The following SFXN5 variants were observed in gnomAD, a reference collection of about 807,000 sequenced individuals.
SFXN5 encodes sideroflexin-5.
Under a neutral mutation model 50.2 loss-of-function variants are expected in SFXN5, and 43 were observed. The ratio of observed to expected loss-of-function variants is 0.86; its 90% CI spans 0.67 to 1.11. The LOEUF (loss-of-function observed/expected upper bound fraction) is 1.11. SFXN5 is among the 50% of genes least tolerant of loss of function. SFXN5 has a pLI of 0.00. For missense variants in SFXN5, 463 were observed against 454.1 expected, an observed-to-expected ratio of 1.02 and a Z score of -0.18; for synonymous variants, 203 against 185.8, an observed-to-expected ratio of 1.09 and a Z score of -0.75.
At position 72,945,228 on chromosome 2, in the gene SFXN5, AG is replaced by A; in HGVS notation, c.946-130del. 1 of 796,828 alleles carries A rather than the reference AG, an allele frequency of 1.3e-6. No individual in the cohort carries two copies. The highest frequency in any genetic ancestry group is 2.1e-6 in the Non-Finnish European group (1 of 479,728). 49.4% of individuals were successfully genotyped at this position (796,828 alleles called of 1,614,324 possible). A position where few individuals can be genotyped will look rare whatever the true frequency, so the allele number is the denominator to read the frequency against. Reference sequence around the variant, plus strand: ...CTGCACCCCCGTGTCCACCCCAGCCAGGGCTCACATGCCCTACCTAGTGACA... The same window carrying A: ...CTGCACCCCCGTGTCCACCCCAGCCAGGCTCACATGCCCTACCTAGTGACA... On this transcript the variant is annotated intron_variant, in intron 13 of 13. Coordinates refer to ENST00000272433, the MANE Select transcript of SFXN5 (RefSeq NM_144579.3). The surrounding 1 kb of genome is among the most constrained non-coding windows in gnomAD (Gnocchi z 5.8).
At chr2:72,954,002 CT>C (rs1445187281) in intron 13 of SFXN5, among the ~76,000 whole-genome samples, 1 of 152,120 alleles carries the variant, frequency 6.6e-6, no homozygotes, top group African/African-American at 2.4e-5. Context: ...TTTCTTAACC[CT>C]GAAAGCTGTA....
chr2:73,005,330 G>T (rs76948091), intron 6 of SFXN5, among the ~76,000 whole-genome samples: 1 of 152,300 alleles, frequency 6.6e-6, no homozygotes, highest in Non-Finnish European at 1.5e-5. Context: ...TACCTTTGCT[G>T]CTCCCCTTCA....
chr2:73,013,618 T>C (rs891012911), intron 6 of SFXN5, among the ~76,000 whole-genome samples: 2 of 152,046 alleles, frequency 1.3e-5, no homozygotes, highest in Non-Finnish European at 2.9e-5. Flanking sequence ...TTCAGAACAA[T>C]GTAGTAGTTT....
chr2:73,007,973 G>A (rs145043531), intron 6 of SFXN5, among the ~76,000 whole-genome samples: 5 of 152,332 alleles, frequency 3.3e-5, no homozygotes, highest in African/African-American at 1.2e-4. Flanking sequence ...AGGTCAACAT[G>A]GCTGGGGTCT....
chr2:73,039,093 A>G (rs893146526), intron 3 of SFXN5, among the ~76,000 whole-genome samples: 1 of 152,116 alleles, frequency 6.6e-6, no homozygotes, highest in Non-Finnish European at 1.5e-5. Context: ...ATGCCCGGCT[A>G]ATTTTTGTAT....
chr2:73,006,664 T>C (rs1361223751), intron 6 of SFXN5, among the ~76,000 whole-genome samples: 4 of 151,562 alleles, frequency 2.6e-5, no homozygotes, highest in Non-Finnish European at 5.9e-5. Context: ...GCCACTGAAG[T>C]GTTGTGGATG....
intron 12 of SFXN5, among the ~76,000 whole-genome samples, chr2:72,962,454 G>T (rs988923281): frequency 1.6e-4 from 24 of 152,252 alleles, no homozygotes; most frequent in Admixed American, 1.6e-3. Flanking sequence ...AAGTTAAAGT[G>T]CATCAGCTGG....
chr2:73,028,555 A>AT (rs1264864206), intron 3 of SFXN5, among the ~76,000 whole-genome samples: 1 of 152,146 alleles, frequency 6.6e-6, no homozygotes, highest in African/African-American at 2.4e-5. Context: ...AATAAAAAAC[A>AT]TTTTTCCAGG....
At chr2:72,968,122 AAC>A (rs34361357) in intron 12 of SFXN5, among the ~76,000 whole-genome samples, 11,179 of 137,128 alleles carry the variant, frequency 0.082, 584 homozygotes, top group African/African-American at 0.15. Context: ...CACACATGAA[AAC>A]ACACACACAC....
chr2:73,053,983 C>G (rs1438827072), intron 2 of SFXN5, among the ~76,000 whole-genome samples: 1 of 152,210 alleles, frequency 6.6e-6, no homozygotes, highest in African/African-American at 2.4e-5. Context: ...CAGTGCCCCA[C>G]AGCTCATCGG....
At chr2:73,007,292 C>T (rs1454214687) in intron 6 of SFXN5, among the ~76,000 whole-genome samples, 2 of 151,974 alleles carry the variant, frequency 1.3e-5, no homozygotes, top group East Asian at 1.9e-4. Context: ...ATGGGGTATG[C>T]GTCAAAACAA....
intron 6 of SFXN5, among the ~76,000 whole-genome samples, chr2:73,011,320 A>C (rs911543137): frequency 6.6e-6 from 1 of 152,180 alleles, no homozygotes; most frequent in Non-Finnish European, 1.5e-5. Context: ...CTCCCAAAGT[A>C]CTGGGATTAC....
chr2:73,000,639 A>C, intron 7 of SFXN5, 152 bp from the exon 8 acceptor site: 1 of 737,506 alleles, frequency 1.4e-6, no homozygotes, highest in Non-Finnish European at 2.2e-6. Flanking sequence ...AGCATGACTG[A>C]CCGTCCTGGT....
At chr2:73,046,542 A>G (rs1205835327) in intron 2 of SFXN5, among the ~76,000 whole-genome samples, 1 of 152,188 alleles carries the variant, frequency 6.6e-6, no homozygotes, top group African/African-American at 2.4e-5. Flanking sequence ...TTTTAAAAAT[A>G]ATAAAGACTT....
intron 9 of SFXN5, among the ~76,000 whole-genome samples, chr2:72,988,839 A>G (rs1012655053): frequency 6.6e-6 from 1 of 152,082 alleles, no homozygotes; most frequent in Admixed American, 6.5e-5. Flanking sequence ...GGAGACCCCG[A>G]CACCTGCCCA....
At chr2:73,052,373 T>C (rs1311441204) in intron 2 of SFXN5, among the ~76,000 whole-genome samples, 1 of 149,214 alleles carries the variant, frequency 6.7e-6, no homozygotes, top group Non-Finnish European at 1.5e-5. Context: ...TGTGTGTGTG[T>C]GTGTGTGTGT....
chr2:72,980,617 G>C (rs535092508), intron 10 of SFXN5, among the ~76,000 whole-genome samples: 5 of 152,274 alleles, frequency 3.3e-5, no homozygotes, highest in South Asian at 4.1e-4. Flanking sequence ...AAATCAGCCT[G>C]TAAGTCTAGG....
chr2:73,038,245 T>C (rs1272338819), intron 3 of SFXN5, among the ~76,000 whole-genome samples: 1 of 152,202 alleles, frequency 6.6e-6, no homozygotes, highest in African/African-American at 2.4e-5. Flanking sequence ...ATGGTAGATA[T>C]TTGTGTATGT....
intron 3 of SFXN5, among the ~76,000 whole-genome samples, chr2:73,033,269 A>G (rs138363856): frequency 6.8e-4 from 103 of 152,348 alleles, no homozygotes; most frequent in Non-Finnish European, 1.3e-3. Context: ...GGTGCTAAGG[A>G]CACATCAGTG....
Sources: gnomAD v4.1 joint callset for allele counts (sites outside exome capture counted in the v4.1 genomes callset) on GRCh38, gnomAD v4.1.1 for gene constraint, Gnocchi (gnomAD v3.1) non-coding constraint, MANE v1.5 for transcripts, NCBI Gene and HGNC (gene_info 2026-07-23, HGNC 2026-07-21) for gene names.